Variants in SCUBE3 observed in about 807,000 individuals in gnomAD.
The protein encoded by SCUBE3 is signal peptide, CUB and EGF-like domain-containing protein 3.
A neutral mutation model predicts 116.8 loss-of-function variants in SCUBE3; 33 were observed. The observed-to-expected ratio is 0.28, with a 90% CI of 0.21 to 0.38. The LOEUF (loss-of-function observed/expected upper bound fraction) is 0.38. Ranked by LOEUF, SCUBE3 falls within the 10% of genes least tolerant of loss-of-function variation. The pLI, the probability that SCUBE3 is intolerant of heterozygous loss-of-function variation, is 1.00. For synonymous variants in SCUBE3, 418 were observed against 496.9 expected (o/e 0.84, Z 2.11); for missense variants, 1,007 against 1,324.8 (o/e 0.76, Z 3.72).
rs117462486 is a variant in SCUBE3, at chr6:35,230,661, C to T, written c.335-1064C>T. Among the ~76,000 whole-genome samples, 181 of 152,308 alleles carry T rather than the reference C, an allele frequency of 1.2e-3. 3 individuals carry two copies. In the East Asian group the frequency reaches 0.031, roughly 26 times the overall value. ...ACAGGGTAGAGACAGGAGCAAAGCA[C>T]AGGAAAGTACACCTTAGCTCTTCCA... On this transcript the variant is annotated intron_variant, in intron 3 of 21. Transcript: ENST00000274938.
chr6:35,244,595 C>T lies in SCUBE3; in HGVS notation c.2240-55C>T. 6.8e-7 allele frequency: 1 copy of T among 1,469,098 alleles called. No homozygotes were observed. Among genetic ancestry groups the T allele is most frequent in the Non-Finnish European group, 9.5e-7 (1 of 1,051,854 alleles). 91.0% of individuals were successfully genotyped at this position (1,469,098 alleles called of 1,614,324 possible). On this transcript the variant is annotated intron_variant, in intron 17 of 21. Coordinates refer to ENST00000274938, the MANE Select transcript of SCUBE3 (RefSeq NM_152753.4). This position sits in a 1 kb window ranked among gnomAD's most constrained non-coding sequence, Gnocchi z 4.3. The stretch of plus-strand genomic sequence containing the variant: ...GAATGTATCCTGTCCATCCCATGCC[C>T]CGTAACTCCCACCTGCCTACCATCT...
rs1363892355 is a variant in SCUBE3 at position 35,213,977 on chromosome 6, G to A, written c.-442G>A. On this transcript the variant is annotated 5_prime_UTR_variant, in exon 1 of 22. Coordinates refer to ENST00000274938, the MANE Select transcript of SCUBE3 (RefSeq NM_152753.4). This position sits in a 1 kb window ranked among gnomAD's most constrained non-coding sequence, Gnocchi z 4.5. ...AAGAGCGAGAGAGGAAGAAAGAGAG[G>A]CAGAAAGGGCGTGTTTCTGGCGCTG... is the stretch of plus-strand genomic sequence containing the variant. Among the ~76,000 whole-genome samples the A allele has an allele frequency of 6.6e-6, 1 of 152,008 alleles. No individual in the cohort carries two copies. Among genetic ancestry groups the A allele is most frequent in the African/African-American group, 2.4e-5 (1 of 41,418 alleles).
At position 35,244,851 on chromosome 6, in the gene SCUBE3, G is replaced by A. The variant is rs370367672; in HGVS notation, c.2401+40G>A. On this transcript the variant is annotated intron_variant, in intron 18 of 21. Coordinates refer to ENST00000274938, the MANE Select transcript of SCUBE3 (RefSeq NM_152753.4). This position sits in a 1 kb window ranked among gnomAD's most constrained non-coding sequence, Gnocchi z 4.3. ...AGGCTGTGCAAAAGGGAGGAGAGAG[G>A]CCTGGGAGCAGTGGACATCTAAAGG... 3 of 1,601,870 alleles carry A rather than the reference G, an allele frequency of 1.9e-6. No individual in the cohort carries two copies. The South Asian group carries it at 3.3e-5, about 18-fold the overall frequency.
intron 6 of SCUBE3, among the ~76,000 whole-genome samples, chr6:35,236,544 G>A (rs891817749): frequency 2.0e-5 from 3 of 152,180 alleles, no homozygotes; most frequent in African/African-American, 7.2e-5. Flanking sequence ...AGACTAAAGT[G>A]GAAATGGCAC....
In SCUBE3 at chr6:35,219,955, G is replaced by GT. The variant is rs1250030873; in HGVS notation, c.85+5453dup. On this transcript the variant is annotated intron_variant, in intron 1 of 21. Coordinates refer to ENST00000274938, the MANE Select transcript of SCUBE3 (RefSeq NM_152753.4). The surrounding 1 kb of genome is among the most constrained non-coding windows in gnomAD (Gnocchi z 4.7). ...TGCCCACCCTTTCCTTATTGCAACTGTGTCTGTACCCTCCCTGCCCACTAC... is the reference window on the plus strand; with the variant it reads ...TGCCCACCCTTTCCTTATTGCAACTGTTGTCTGTACCCTCCCTGCCCACTAC... Among the ~76,000 whole-genome samples the GT allele has an allele frequency of 6.6e-6, 1 of 152,142 alleles. No individual in the cohort carries two copies. Among genetic ancestry groups the GT allele is most frequent in the Admixed American group, 6.5e-5 (1 of 15,272 alleles).
chr6:35,222,788 C>T (rs1291718746), intron 1 of SCUBE3: 1 of 152,240 alleles, frequency 6.6e-6, no homozygotes, highest in Admixed American at 6.5e-5. Context: ...CCAACACATG[C>T]TCACCTGGTG....
rs949171575 is a variant in SCUBE3 at position 35,235,682 on chromosome 6, G to A, written c.713-2220G>A. Among the ~76,000 whole-genome samples the A allele has an allele frequency of 2.0e-5, 3 of 152,090 alleles. No homozygotes were observed. The highest frequency in any genetic ancestry group is 4.4e-5 in the Non-Finnish European group (3 of 68,014). On this transcript the variant is annotated intron_variant, in intron 6 of 21. Transcript: ENST00000274938. This position sits in a 1 kb window ranked among gnomAD's most constrained non-coding sequence, Gnocchi z 4.5. ...CAAGAAACCTGAGTCCCTAAGAGCTGGCCCGGGAGCTTTCATGTTGGTCTC... is the reference window on the plus strand; with the variant it reads ...CAAGAAACCTGAGTCCCTAAGAGCTAGCCCGGGAGCTTTCATGTTGGTCTC...
At position 35,237,928 on chromosome 6, in the gene SCUBE3, T is replaced by TA. The variant is rs1461969105; in HGVS notation, c.739_740insA (p.Cys247Ter). 2.5e-6 allele frequency: 4 copies of TA among 1,612,026 alleles called. No homozygotes were observed. Among genetic ancestry groups the TA allele is most frequent in the Non-Finnish European group, 3.4e-6 (4 of 1,178,172 alleles). ...GACCTGTGCTGTCAACAACGGGGGCTGTGACAGTAAGTGCCATGATGCAGC... is the reference window on the plus strand; with the variant it reads ...GACCTGTGCTGTCAACAACGGGGGCTAGTGACAGTAAGTGCCATGATGCAGC... The part of the protein sequence containing the change: ...IETCAVNNGG[C>*]DSKCHDAATG... The change falls in exon 7 of 22, where the codon TGT becomes TAGT. Residue 247 changes from cysteine to a stop codon, truncating the protein, a stop_gained and frameshift_variant. Coordinates refer to ENST00000274938, the MANE Select transcript of SCUBE3 (RefSeq NM_152753.4). LOFTEE classifies it high-confidence loss of function.
In SCUBE3 at chr6:35,251,152, T is replaced by G. The variant is rs1289911772; in HGVS notation, c.*2447T>G. 1 of 11,168 alleles carries G rather than the reference T, an allele frequency of 9.0e-5. No individual in the cohort carries two copies. Among genetic ancestry groups the G allele is most frequent in the Non-Finnish European group, 4.3e-4 (1 of 2,348 alleles). 0.7% of individuals were successfully genotyped at this position (11,168 alleles called of 1,614,324 possible). ...AGGATAACTTTCTTTCTTTCTTTCT[T>G]TTTTTTTTTTTTTTTTTTTGAGATG... On this transcript the variant is annotated 3_prime_UTR_variant, in exon 22 of 22. Transcript: ENST00000274938.
chr6:35,228,487 C>G lies in SCUBE3; in HGVS notation c.209-127C>G. ...TTCATGACTTAGGTTTAAATGAAAA[C>G]AGAAAAATGCTAAATGGCTTATAGG... On this transcript the variant is annotated intron_variant, in intron 2 of 21. Coordinates refer to ENST00000274938, the MANE Select transcript of SCUBE3 (RefSeq NM_152753.4). This position sits in a 1 kb window ranked among gnomAD's most constrained non-coding sequence, Gnocchi z 4.9. 1.2e-6 allele frequency: 1 copy of G among 868,094 alleles called. No homozygotes were observed. Among genetic ancestry groups the G allele is most frequent in the South Asian group, 2.6e-5 (1 of 38,746 alleles). 53.8% of individuals were successfully genotyped at this position (868,094 alleles called of 1,614,324 possible).
chr6:35,248,462 C>A, intron 21 of SCUBE3, 94 bp from the exon 22 acceptor site: 1 of 1,153,128 alleles, frequency 8.7e-7, no homozygotes, highest in Non-Finnish European at 1.3e-6. Context: ...GTATAGGATG[C>A]CTAGTAGACA....
rs1784581947 is a variant in SCUBE3, at chr6:35,252,329, T to C, written c.*3624T>C. On this transcript the variant is annotated 3_prime_UTR_variant, in exon 22 of 22. Transcript: ENST00000274938. ...CCCCCAAGATTTGGTCAGTTTGAGG[T>C]GGTGGAGACTCAGATTTGTTGCTGA... 6.6e-6 allele frequency: 1 copy of C among 152,190 alleles called. No homozygotes were observed. The highest frequency in any genetic ancestry group is 1.5e-5 in the Non-Finnish European group (1 of 68,032). 9.4% of individuals were successfully genotyped at this position (152,190 alleles called of 1,614,324 possible).
intron 13 of SCUBE3, 114 bp downstream of exon 13, chr6:35,242,434 G>A: frequency 1.1e-6 from 1 of 944,324 alleles, no homozygotes; most frequent in Non-Finnish European, 1.7e-6. Flanking sequence ...GCAGAGCAGA[G>A]GAAAAAGCAG....
At position 35,239,877 on chromosome 6, in the gene SCUBE3, G is replaced by A. The variant is rs1783958472; in HGVS notation, c.952+3G>A. ...CATCAATGAGAGGAACTGCCAGGGTGAGCAGACTCAGCCAAAGGTGAAAGC... is the reference window on the plus strand; with the variant it reads ...CATCAATGAGAGGAACTGCCAGGGTAAGCAGACTCAGCCAAAGGTGAAAGC... On this transcript the variant is annotated splice_donor_region_variant and intron_variant, in intron 8 of 21. Coordinates refer to ENST00000274938, the MANE Select transcript of SCUBE3 (RefSeq NM_152753.4). The surrounding 1 kb of genome is among the most constrained non-coding windows in gnomAD (Gnocchi z 4.1). The A allele has an allele frequency of 6.3e-7, 1 of 1,596,392 alleles. No individual in the cohort carries two copies. The highest frequency in any genetic ancestry group is 1.1e-5 in the South Asian group (1 of 87,734).
intron 1 of SCUBE3, among the ~76,000 whole-genome samples, chr6:35,227,242 C>T (rs1208318701): frequency 6.6e-6 from 1 of 152,200 alleles, no homozygotes; most frequent in African/African-American, 2.4e-5. Context: ...TAAACTCATT[C>T]ACTTTAAGTT....
rs998429467 is a variant in SCUBE3 at position 35,214,066 on chromosome 6, CT to C, written c.-352del. ...CTGCGCGCTCTCCGGCTGCAGCTCT[CT>C]CCCGGCGAAGCTGGGAATTGGGTGG... On this transcript the variant is annotated 5_prime_UTR_variant, in exon 1 of 22. Transcript: ENST00000274938. The surrounding 1 kb of genome is among the most constrained non-coding windows in gnomAD (Gnocchi z 6.3). 6.6e-6 allele frequency among the ~76,000 whole-genome samples: 1 copy of C among 152,192 alleles called. No individual in the cohort carries two copies. The highest frequency in any genetic ancestry group is 6.5e-5 in the Admixed American group (1 of 15,292).
At chr6:35,222,421 T>C (rs993988157) in intron 1 of SCUBE3, 1 of 152,162 alleles carries the variant, frequency 6.6e-6, no homozygotes, top group South Asian at 2.1e-4. Flanking sequence ...CTACCTACTT[T>C]AGGAGAGTTT....
chr6:35,216,123 G>A (rs941475254), intron 1 of SCUBE3, among the ~76,000 whole-genome samples: 2 of 152,236 alleles, frequency 1.3e-5, no homozygotes, highest in Non-Finnish European at 2.9e-5. Flanking sequence ...GACCAAAGGA[G>A]AAGCAGTGTA....
At chr6:35,225,610 G>A (rs963290616) in intron 1 of SCUBE3, among the ~76,000 whole-genome samples, 25 of 152,194 alleles carry the variant, frequency 1.6e-4, no homozygotes, top group Non-Finnish European at 3.5e-4. Context: ...TGGCTGCATA[G>A]GAGTTGAAGG....
Sources: gnomAD v4.1 joint callset for allele counts (sites outside exome capture counted in the v4.1 genomes callset) on GRCh38, gnomAD v4.1.1 for gene constraint, Gnocchi (gnomAD v3.1) non-coding constraint, MANE v1.5 for transcripts, NCBI Gene and HGNC (gene_info 2026-07-23, HGNC 2026-07-21) for gene names.